The following ADCY8 variants were observed in gnomAD, a reference collection of about 807,000 sequenced individuals.
ADCY8 encodes the protein adenylate cyclase 8.
In ADCY8, 51 loss-of-function variants were observed where a neutral mutation model predicts 119.7. The observed-to-expected ratio is 0.43, with a 90% CI of 0.34 to 0.54. ADCY8 has a LOEUF of 0.54. Ranked by LOEUF, ADCY8 falls within the 20% of genes least tolerant of loss-of-function variation. The probability of loss-of-function intolerance (pLI) is 0.03; values close to 1 mark genes in which losing one functional copy is unlikely to be tolerated. For synonymous variants in ADCY8, 665 were observed against 651.0 expected (o/e 1.02, Z -0.33); for missense variants, 1,383 against 1,598.8 (o/e 0.87, Z 2.30).
At chr8:130,854,624 A>G (rs1817647930) in intron 9 of ADCY8, among the ~76,000 whole-genome samples, 1 of 152,212 alleles carries the variant, frequency 6.6e-6, no homozygotes, top group Admixed American at 6.5e-5. Flanking sequence ...TGACTCCAAA[A>G]GGGAATTTGC....
At chr8:130,901,213 T>C (rs1819587553) in intron 7 of ADCY8, among the ~76,000 whole-genome samples, 1 of 150,720 alleles carries the variant, frequency 6.6e-6, no homozygotes, top group African/African-American at 2.4e-5. Flanking sequence ...ACTTTGTCTC[T>C]AAAGTGATTT....
At chr8:131,032,843 T>C (rs918282321) in intron 1 of ADCY8, among the ~76,000 whole-genome samples, 1 of 152,188 alleles carries the variant, frequency 6.6e-6, no homozygotes. Context: ...TGCTCTGTTG[T>C]GGCTGGCTGA....
intron 6 of ADCY8, among the ~76,000 whole-genome samples, chr8:130,909,204 A>G (rs909412725): frequency 1.3e-5 from 2 of 152,214 alleles, no homozygotes; most frequent in Admixed American, 6.5e-5. Context: ...GCAGACCACT[A>G]GCACCTTTGG....
intron 7 of ADCY8, among the ~76,000 whole-genome samples, chr8:130,894,494 C>T (rs1819315942): frequency 6.6e-6 from 1 of 152,112 alleles, no homozygotes; most frequent in African/African-American, 2.4e-5. Context: ...CACAGTGTGA[C>T]ATGATTCTTT....
chr8:130,941,263 C>T (rs571514150), intron 4 of ADCY8, among the ~76,000 whole-genome samples: 239 of 152,292 alleles, frequency 1.6e-3, no homozygotes, highest in African/African-American at 5.5e-3. Flanking sequence ...CTGCCCTCTC[C>T]GTGGAGGCTG....
intron 5 of ADCY8, among the ~76,000 whole-genome samples, chr8:130,928,869 ATTC>A (rs1396246646): frequency 2.6e-5 from 4 of 152,128 alleles, no homozygotes; most frequent in East Asian, 3.8e-4. Context: ...AAGAATTGAT[ATTC>A]TTCTTTAAAT....
At chr8:130,901,361 G>A (rs62518115) in intron 7 of ADCY8, among the ~76,000 whole-genome samples, 21,367 of 149,956 alleles carry the variant, frequency 0.14, 1,648 homozygotes, top group Non-Finnish European at 0.18. Context: ...TATCTACATA[G>A]CACAGAATAT....
intron 9 of ADCY8, among the ~76,000 whole-genome samples, chr8:130,854,808 TC>T (rs1563694413): frequency 1.2e-5 from 1 of 82,006 alleles, no homozygotes; most frequent in Non-Finnish European, 2.3e-5. Context: ...CCTCCGTCCC[TC>T]CCTCCCTCCC....
intron 12 of ADCY8, among the ~76,000 whole-genome samples, chr8:130,822,535 A>AATCCATGAATCCATCCATCC (rs1554603776): frequency 3.1e-3 from 428 of 139,734 alleles, no homozygotes; most frequent in Admixed American, 4.8e-3. Flanking sequence ...TGAATCCATG[A>AATCCATGAATCCATCCATCC]ATCCATCCAT....
intron 1 of ADCY8, among the ~76,000 whole-genome samples, chr8:131,036,370 A>G (rs1824154452): frequency 6.6e-6 from 1 of 151,722 alleles, no homozygotes; most frequent in South Asian, 2.1e-4. Flanking sequence ...TATGATGTGT[A>G]TGTGTGTGTG....
At chr8:130,821,242 G>C (rs1417001810) in intron 13 of ADCY8, 100 bp downstream of exon 13, 14 of 917,326 alleles carry the variant, frequency 1.5e-5, no homozygotes, top group Non-Finnish European at 2.2e-5. Flanking sequence ...ACTTGCCACA[G>C]GCAGCTAAAA....
intron 2 of ADCY8, among the ~76,000 whole-genome samples, chr8:130,978,285 C>A (rs1025753925): frequency 6.6e-6 from 1 of 152,126 alleles, no homozygotes; most frequent in East Asian, 1.9e-4. Context: ...ATACAAAAGA[C>A]ATGGCTCCCA....
chr8:130,984,203 G>A (rs1408846278), intron 2 of ADCY8, among the ~76,000 whole-genome samples: 1 of 152,116 alleles, frequency 6.6e-6, no homozygotes, highest in Non-Finnish European at 1.5e-5. Context: ...ACAGGAGCCT[G>A]CATGAGTGGG....
intron 1 of ADCY8, among the ~76,000 whole-genome samples, chr8:130,999,338 G>A (rs571278682): frequency 7.8e-4 from 118 of 152,158 alleles, no homozygotes; most frequent in South Asian, 1.9e-3. Flanking sequence ...TCCCCTTCTC[G>A]TTCCCCCAAC....
chr8:131,009,509 T>C (rs1237934936), intron 1 of ADCY8, among the ~76,000 whole-genome samples: 1 of 152,228 alleles, frequency 6.6e-6, no homozygotes, highest in East Asian at 1.9e-4. Context: ...TCTGCCACCC[T>C]GTGAAGAGGT....
intron 2 of ADCY8, among the ~76,000 whole-genome samples, chr8:130,973,031 T>G (rs1199510036): frequency 5.3e-5 from 8 of 152,090 alleles, no homozygotes; most frequent in Admixed American, 2.0e-4. Flanking sequence ...ACCCTTAACA[T>G]GAAACAGAAA....
intron 8 of ADCY8, among the ~76,000 whole-genome samples, chr8:130,868,389 C>T (rs1287215919): frequency 1.3e-5 from 2 of 152,066 alleles, no homozygotes; most frequent in Non-Finnish European, 2.9e-5. Flanking sequence ...AATTCTCAGG[C>T]TCTTAAAATA....
At position 130,856,521 on chromosome 8, in the gene ADCY8, A is replaced by T. The variant is rs190644876; in HGVS notation, c.2211-6718T>A. On this transcript the variant is annotated intron_variant, in intron 9 of 17. Coordinates refer to ENST00000286355, the MANE Select transcript of ADCY8 (RefSeq NM_001115.3). ...CTGAATCCTGCCAGGCCCCACCAAC[A>T]CTCACAGCTCGCCACCCCGAGGTGC... Among the ~76,000 whole-genome samples, 412 of 151,888 alleles carry T rather than the reference A, an allele frequency of 2.7e-3. 3 individuals are homozygous for T. Among genetic ancestry groups the T allele is most frequent in the Middle Eastern group, 0.02 (6 of 294 alleles).
intron 12 of ADCY8, among the ~76,000 whole-genome samples, chr8:130,826,134 A>G (rs1361784979): frequency 1.3e-5 from 2 of 152,262 alleles, no homozygotes; most frequent in Non-Finnish European, 2.9e-5. Flanking sequence ...TGGCTTTGTC[A>G]TATACTAGTA....
Sources: gnomAD v4.1 joint callset for allele counts (sites outside exome capture counted in the v4.1 genomes callset) on GRCh38, gnomAD v4.1.1 for gene constraint, MANE v1.5 for transcripts, NCBI Gene and HGNC (gene_info 2026-07-23, HGNC 2026-07-21) for gene names.